The following SPATA17 variants were observed in gnomAD, a reference collection of about 807,000 sequenced individuals.
SPATA17 encodes the protein spermatogenesis associated 17, also known as spermatogenesis-associated protein 17.
Under a neutral mutation model 62.2 loss-of-function variants are expected in SPATA17, and 53 were observed. The ratio of observed to expected loss-of-function variants is 0.85; its 90% CI spans 0.68 to 1.07. The LOEUF (loss-of-function observed/expected upper bound fraction) is 1.07. Ranked by LOEUF, SPATA17 falls within the 50% of genes least tolerant of loss-of-function variation. The probability of loss-of-function intolerance (pLI) is 0.00; values close to 1 mark genes in which losing one functional copy is unlikely to be tolerated. For missense variants in SPATA17, 466 were observed against 425.5 expected, an observed-to-expected ratio of 1.10 and a Z score of -0.84; for synonymous variants, 146 against 146.8, an observed-to-expected ratio of 0.99 and a Z score of 0.04.
chr1:217,744,462 C>CAAA (rs766645844), intron 6 of SPATA17, among the ~76,000 whole-genome samples: 7,285 of 30,322 alleles, frequency 0.24, 2,098 homozygotes, highest in East Asian at 0.68. Context: ...GACTCCGTCT[C>CAAA]AAAAAAAAAA....
chr1:217,745,400 G>A (rs1404599192), intron 6 of SPATA17, among the ~76,000 whole-genome samples: 1 of 152,068 alleles, frequency 6.6e-6, no homozygotes, highest in Non-Finnish European at 1.5e-5. Context: ...TGTTCATTTT[G>A]TTCAAGGGAT....
At chr1:217,840,811 AT>A (rs1675377126) in intron 9 of SPATA17, among the ~76,000 whole-genome samples, 1 of 152,040 alleles carries the variant, frequency 6.6e-6, no homozygotes, top group South Asian at 2.1e-4. Flanking sequence ...GTGAGCTGTG[AT>A]TGCATCATTG....
At chr1:217,635,841 A>C (rs1669923746) in intron 1 of SPATA17, among the ~76,000 whole-genome samples, 1 of 152,056 alleles carries the variant, frequency 6.6e-6, no homozygotes, top group African/African-American at 2.4e-5. Context: ...AGCCTTAAAA[A>C]GAGTGGACTG....
chr1:217,800,504 A>G (rs553578101), intron 8 of SPATA17, among the ~76,000 whole-genome samples: 25 of 152,042 alleles, frequency 1.6e-4, no homozygotes, highest in African/African-American at 5.8e-4. Flanking sequence ...TTTGGTGTAA[A>G]TTTTTCTGAG....
chr1:217,697,451 T>C (rs1261611065), intron 5 of SPATA17, among the ~76,000 whole-genome samples: 1 of 152,226 alleles, frequency 6.6e-6, no homozygotes, highest in African/African-American at 2.4e-5. Context: ...AGCGGAAGTC[T>C]CATTTCTTCT....
chr1:217,646,135 G>A (rs1670175729), intron 1 of SPATA17, among the ~76,000 whole-genome samples: 1 of 151,892 alleles, frequency 6.6e-6, no homozygotes, highest in South Asian at 2.1e-4. Flanking sequence ...TTTTGCCTTG[G>A]CTTCAACTAT....
intron 8 of SPATA17, among the ~76,000 whole-genome samples, chr1:217,799,832 G>C (rs1385055399): frequency 6.6e-6 from 1 of 151,844 alleles, no homozygotes; most frequent in African/African-American, 2.4e-5. Context: ...TTGGCATATA[G>C]TAATGGCTCA....
At chr1:217,814,378 GA>G (rs2102993477) in intron 9 of SPATA17, among the ~76,000 whole-genome samples, 1 of 152,282 alleles carries the variant, frequency 6.6e-6, no homozygotes, top group East Asian at 1.9e-4. Context: ...AGGTCTGTAA[GA>G]TTCACATTAT....
chr1:217,672,838 C>T (rs769194670), intron 4 of SPATA17, among the ~76,000 whole-genome samples: 5 of 151,884 alleles, frequency 3.3e-5, no homozygotes, highest in Non-Finnish European at 7.4e-5. Flanking sequence ...TTTTATTATC[C>T]TTACTAATTT....
rs114204615 is a variant in SPATA17 at position 217,652,224 on chromosome 1, A to C, written c.240+1046A>C. ...TTGATACTGATTGGTCACCAGTCTG[A>C]GTATAGTATGTCTTTTTGTTTTTCC... On this transcript the variant is annotated intron_variant, in intron 3 of 10. Transcript: ENST00000366933. Among the ~76,000 whole-genome samples, 526 of 152,152 alleles carry C rather than the reference A, an allele frequency of 3.5e-3. 2 individuals are homozygous for C. Among genetic ancestry groups the C allele is most frequent in the African/African-American group, 0.012 (502 of 41,536 alleles).
chr1:217,832,952 A>G (rs1675177939), intron 9 of SPATA17, among the ~76,000 whole-genome samples: 3 of 152,036 alleles, frequency 2.0e-5, no homozygotes, highest in Admixed American at 2.0e-4. Context: ...TCAAAGAAAA[A>G]AAAAAAAGTT....
intron 5 of SPATA17, among the ~76,000 whole-genome samples, chr1:217,736,023 A>C (rs1672503299): frequency 6.6e-6 from 1 of 151,928 alleles, no homozygotes; most frequent in Admixed American, 6.6e-5. Context: ...TTTTGAGCAG[A>C]GTGCTCTTTT....
At chr1:217,686,750 C>T (rs1160066860) in intron 5 of SPATA17, among the ~76,000 whole-genome samples, 3 of 152,264 alleles carry the variant, frequency 2.0e-5, no homozygotes, top group African/African-American at 4.8e-5. Flanking sequence ...GACGGAGTCA[C>T]GCCCTGTTGC....
At chr1:217,643,705 T>A (rs1670119711) in intron 1 of SPATA17, among the ~76,000 whole-genome samples, 1 of 132,784 alleles carries the variant, frequency 7.5e-6, no homozygotes, top group Non-Finnish European at 1.6e-5. Context: ...AAAAAGAAAC[T>A]CTCTCTCTCT....
chr1:217,719,394 A>C (rs926721309), intron 5 of SPATA17, among the ~76,000 whole-genome samples: 1 of 152,184 alleles, frequency 6.6e-6, no homozygotes, highest in Non-Finnish European at 1.5e-5. Context: ...TGTTATAGGC[A>C]GATAATTTGT....
chr1:217,773,519 T>C (rs1197422668), intron 6 of SPATA17, among the ~76,000 whole-genome samples: 3 of 152,138 alleles, frequency 2.0e-5, no homozygotes, highest in Admixed American at 6.6e-5. Context: ...TTCTATGCAG[T>C]TTGTATATTC....
intron 8 of SPATA17, among the ~76,000 whole-genome samples, chr1:217,793,898 G>A (rs1168095658): frequency 6.6e-6 from 1 of 151,944 alleles, no homozygotes; most frequent in Non-Finnish European, 1.5e-5. Flanking sequence ...GGCAGATCAC[G>A]AGGTCAGGAG....
At chr1:217,715,460 C>T (rs1671979191) in intron 5 of SPATA17, among the ~76,000 whole-genome samples, 1 of 152,066 alleles carries the variant, frequency 6.6e-6, no homozygotes, top group African/African-American at 2.4e-5. Flanking sequence ...GACATGCTTG[C>T]CAAAATGCTA....
chr1:217,809,199 T>C (rs570815909), intron 9 of SPATA17, among the ~76,000 whole-genome samples: 1 of 151,274 alleles, frequency 6.6e-6, no homozygotes, highest in South Asian at 2.1e-4. Context: ...AGAAAGCAAT[T>C]TTTTTTTTGT....
Sources: gnomAD v4.1 joint callset for allele counts (sites outside exome capture counted in the v4.1 genomes callset) on GRCh38, gnomAD v4.1.1 for gene constraint, MANE v1.5 for transcripts, NCBI Gene and HGNC (gene_info 2026-07-23, HGNC 2026-07-21) for gene names.